Variants in PRKD2 observed in about 807,000 individuals in gnomAD.
PRKD2 encodes the protein serine/threonine-protein kinase D2.
In PRKD2, 22 loss-of-function variants were observed where a neutral mutation model predicts 86.0. That is an observed-to-expected ratio of 0.26 (90% CI 0.18 to 0.37). PRKD2 has a LOEUF of 0.37. Ranked by LOEUF, PRKD2 falls within the 10% of genes least tolerant of loss-of-function variation. The pLI is 1.00. For synonymous variants in PRKD2, 509 were observed against 510.9 expected (o/e 1.00, Z 0.05); for missense variants, 818 against 1,199.2 (o/e 0.68, Z 4.70).
intron 16 of PRKD2, among the ~76,000 whole-genome samples, chr19:46,677,670 G>A (rs1022656036): frequency 6.6e-6 from 1 of 152,074 alleles, no homozygotes; most frequent in African/African-American, 2.4e-5. Flanking sequence ...CACCAGGCCC[G>A]GTGCCACTTC....
At chr19:46,681,953 G>A (rs2053314577) in intron 14 of PRKD2, among the ~76,000 whole-genome samples, 1 of 150,952 alleles carries the variant, frequency 6.6e-6, no homozygotes, top group Admixed American at 6.6e-5. Context: ...TGATTCTCCT[G>A]CCTCAGCCTC....
At chr19:46,696,616 G>A (rs2053561896) in intron 9 of PRKD2, among the ~76,000 whole-genome samples, 1 of 152,030 alleles carries the variant, frequency 6.6e-6, no homozygotes, top group Admixed American at 6.6e-5. Context: ...AAATTAGCTG[G>A]GTGTGGTGGC....
At chr19:46,683,865 G>A (rs2122601638) in intron 14 of PRKD2, among the ~76,000 whole-genome samples, 1 of 152,150 alleles carries the variant, frequency 6.6e-6, no homozygotes, top group South Asian at 2.1e-4. Flanking sequence ...TGGCTTGTTG[G>A]TAAATATATT....
intron 5 of PRKD2, among the ~76,000 whole-genome samples, chr19:46,703,509 C>T (rs1205043552): frequency 6.6e-6 from 1 of 152,098 alleles, no homozygotes; most frequent in South Asian, 2.1e-4. Context: ...CGGTGGCTCA[C>T]GCCTGTAATC....
At chr19:46,714,088 C>T (rs2053848688) in intron 1 of PRKD2, 87 bp from the exon 2 acceptor site, 3 of 1,493,764 alleles carry the variant, frequency 2.0e-6, no homozygotes, top group Non-Finnish European at 2.7e-6. Flanking sequence ...AGGGCAGGGC[C>T]GGCTGTTTCC....
At chr19:46,708,665 C>T (rs1053190971) in intron 3 of PRKD2, among the ~76,000 whole-genome samples, 1 of 152,122 alleles carries the variant, frequency 6.6e-6, no homozygotes, top group Non-Finnish European at 1.5e-5. Context: ...CCCATGTGAG[C>T]GCACAGTGAA....
chr19:46,691,341 T>C (rs928500847), intron 12 of PRKD2, among the ~76,000 whole-genome samples: 14 of 152,170 alleles, frequency 9.2e-5, no homozygotes, highest in Non-Finnish European at 2.1e-4. Context: ...GTGCAGAATC[T>C]ACCCTCTTTT....
At chr19:46,674,810 G>T in intron 17 of PRKD2, 75 bp from the exon 18 acceptor site, 1 of 1,465,202 alleles carries the variant, frequency 6.8e-7, no homozygotes, top group Non-Finnish European at 9.2e-7. Flanking sequence ...GTTTGCCACT[G>T]AGAGCTGGGT....
chr19:46,693,920 C>T lies in PRKD2; in HGVS notation c.1531G>A (p.Val511Ile), dbSNP rs199530973. The change falls in exon 10 of 18, where the codon GTC (valine) becomes ATC (isoleucine). Residue 511 changes from valine to isoleucine, a missense_variant. Physicochemically the swap from Val to Ile is conservative, Grantham distance 29. Around this residue, in one of 5 missense-constraint regions of PRKD2, gnomAD observed 154 missense variants for 359.6 expected, o/e 0.43. Coordinates refer to ENST00000291281, the MANE Select transcript of PRKD2 (RefSeq NM_016457.5). This position sits in a 1 kb window ranked among gnomAD's most constrained non-coding sequence, Gnocchi z 4.5. Reference sequence around the variant, plus strand: ...GCGCTGGGTGCGTCCTGAAGGATGACGGGCATCAGGGCCTGGCGGATGGCT... The same window carrying T: ...GCGCTGGGTGCGTCCTGAAGGATGATGGGCATCAGGGCCTGGCGGATGGCT... ...ETAIRQALMPVILQDAPSAPG... is the reference protein window; with the variant it reads ...ETAIRQALMPIILQDAPSAPG... 60 of 1,609,690 alleles carry T rather than the reference C, an allele frequency of 3.7e-5. No individual in the cohort carries two copies. Among genetic ancestry groups the T allele is most frequent in the Middle Eastern group, 1.7e-4 (1 of 6,052 alleles).
At chr19:46,684,610 A>G (rs112298627) in intron 14 of PRKD2, among the ~76,000 whole-genome samples, 7,019 of 152,186 alleles carry the variant, frequency 0.046, 413 homozygotes, top group African/African-American at 0.13. Flanking sequence ...GGCGTGAGCC[A>G]CCTCGCCCCG....
chr19:46,678,408 T>C lies in PRKD2; in HGVS notation c.2326A>G (p.Ile776Val). 1 of 1,614,044 alleles carries C rather than the reference T, an allele frequency of 6.2e-7. No individual in the cohort carries two copies. The highest frequency in any genetic ancestry group is 8.5e-7 in the Non-Finnish European group (1 of 1,179,992). The change falls in exon 16 of 18, where the codon ATC becomes GTC. Residue 776 changes from isoleucine to valine, a missense_variant. Ile to Val is a conservative substitution (Grantham distance 29, BLOSUM62 3). Coordinates refer to ENST00000291281, the MANE Select transcript of PRKD2 (RefSeq NM_016457.5). The surrounding 1 kb of genome is among the most constrained non-coding windows in gnomAD (Gnocchi z 5.7). ...FMYPASPWSH[I>V]SAGAIDLINN... ...GGGCCCCAGGCACCTCCAGCTGAGA[T>C]GTGGCTCCAGGGGCTGGCCGGGTAC...
rs1441369710 is a variant in PRKD2, at chr19:46,690,642, G to C, written c.1767C>G (p.Thr589=). The C allele has an allele frequency of 6.2e-7, 1 of 1,614,180 alleles. No homozygotes were observed. The highest frequency in any genetic ancestry group is 8.5e-7 in the Non-Finnish European group (1 of 1,180,026). Residue 589 remains threonine (T), a synonymous_variant, in exon 13 of 18, where the codon ACC becomes ACG. Transcript: ENST00000291281. ...CATTCCGGAGCTGGCTCTCCTGCTT[G>C]GTAGGGAAGCGCAGTTTGTCAATGA... ...VKVIDKLRFP[T]KQESQLRNEV...
chr19:46,711,053 T>TA lies in PRKD2; in HGVS notation c.380-16dup, dbSNP rs754352905. 9 of 1,572,788 alleles carry TA rather than the reference T, an allele frequency of 5.7e-6. No homozygotes were observed. In the South Asian group the frequency reaches 1.0e-4, roughly 18 times the overall value. ...GGTGGCCGAGGCTGTAGGCGGAAAA[T>TA]AGGGGTGGATGCTTGAGGCGGGGTA... On this transcript the variant is annotated splice_polypyrimidine_tract_variant and intron_variant, in intron 2 of 17. Transcript: ENST00000291281.
Position 46,691,876 on chromosome 19 carries a change from G to A in PRKD2, c.1629+57C>T, listed in dbSNP as rs1026541983. The A allele has an allele frequency of 1.7e-5, 28 of 1,610,664 alleles. 1 individual carries two copies. In the Admixed American group the frequency reaches 1.8e-4, roughly 11 times the overall value. Reference sequence around the variant, plus strand: ...GGGGAAGGGGGAGTCAAGGAGACGAGAGAGCTGAGGAGGGTTTGTGGGAGG... The same window carrying A: ...GGGGAAGGGGGAGTCAAGGAGACGAAAGAGCTGAGGAGGGTTTGTGGGAGG... On this transcript the variant is annotated intron_variant, in intron 11 of 17. Coordinates refer to ENST00000291281, the MANE Select transcript of PRKD2 (RefSeq NM_016457.5).
At position 46,694,072 on chromosome 19, in the gene PRKD2, G is replaced by A. The variant is rs187308910; in HGVS notation, c.1379C>T (p.Pro460Leu). 5.9e-5 allele frequency: 95 copies of A among 1,614,128 alleles called. No homozygotes were observed. Among genetic ancestry groups the A allele is most frequent in the African/African-American group, 1.2e-4 (9 of 75,038 alleles). The change falls in exon 10 of 18, where the codon CCG becomes CTG. Residue 460 changes from proline to leucine, a missense_variant. Coordinates refer to ENST00000291281, the MANE Select transcript of PRKD2 (RefSeq NM_016457.5). Reference sequence around the variant, plus strand: ...CTCAAAGCAGTGTGGGTTGGTGCCCGGCGGCACAAGGCTGAAGTTCTGGGC... The same window carrying A: ...CTCAAAGCAGTGTGGGTTGGTGCCCAGCGGCACAAGGCTGAAGTTCTGGGC... ...ESAQNFSLVP[P>L]GTNPHCFEIV...
chr19:46,681,838 A>AATT, intron 14 of PRKD2, 90 bp from the exon 15 acceptor site: 1 of 618,324 alleles, frequency 1.6e-6, no homozygotes, highest in Non-Finnish European at 2.6e-6. Flanking sequence ...ACCCATCCAT[A>AATT]CTTTTTTTTT....
chr19:46,674,414 C>G lies in PRKD2; in HGVS notation c.*109G>C. 2.5e-6 allele frequency: 3 copies of G among 1,215,178 alleles called. No homozygotes were observed. The highest frequency in any genetic ancestry group is 1.5e-5 in the African/African-American group (1 of 65,908). The allele number at this position is 1,215,178 out of a possible 1,614,324, so 75.3% of individuals were successfully genotyped here. A position where few individuals can be genotyped will look rare whatever the true frequency, so the allele number is the denominator to read the frequency against. On this transcript the variant is annotated 3_prime_UTR_variant, in exon 18 of 18. Transcript: ENST00000291281. ...ATAGCTCCCCCCACCCCACTCCCCA[C>G]GTGTCCCATCCAGTTTGGGCAGGAA...
chr19:46,712,544 A>C (rs1281134703), intron 2 of PRKD2, among the ~76,000 whole-genome samples: 1 of 152,262 alleles, frequency 6.6e-6, no homozygotes, highest in Non-Finnish European at 1.5e-5. Context: ...CCGTCTAAAA[A>C]AACAAAAAAT....
At chr19:46,713,510 C>A (rs955848010) in intron 2 of PRKD2, among the ~76,000 whole-genome samples, 2 of 152,062 alleles carry the variant, frequency 1.3e-5, no homozygotes, top group Non-Finnish European at 2.9e-5. Flanking sequence ...CTGTACAAAG[C>A]GTGTCACTAG....
Sources: allele counts gnomAD v4.1 joint callset (sites outside exome capture counted in the v4.1 genomes callset), GRCh38; gene constraint gnomAD v4.1.1; regional missense constraint gnomAD v4.1.1; non-coding constraint Gnocchi (gnomAD v3.1); transcripts MANE v1.5; gene names NCBI Gene and HGNC (gene_info 2026-07-23, HGNC 2026-07-21).